Variants in DMBT1 observed in about 807,000 individuals in gnomAD.
The protein encoded by DMBT1 is deleted in malignant brain tumors 1, also known as scavenger receptor cysteine-rich domain-containing protein DMBT1.
A neutral mutation model predicts 252.9 loss-of-function variants in DMBT1; 198 were observed. That is an observed-to-expected ratio of 0.78 (90% CI 0.70 to 0.88). The LOEUF is 0.88. Ranked by LOEUF, DMBT1 falls within the 40% of genes least tolerant of loss-of-function variation. The pLI, the probability that DMBT1 is intolerant of heterozygous loss-of-function variation, is 0.00. For synonymous variants in DMBT1, 990 were observed against 942.7 expected (o/e 1.05, Z -0.92); for missense variants, 2,432 against 2,404.7 (o/e 1.01, Z -0.24).
chr10:122,620,250 CA>C lies in DMBT1; in HGVS notation c.5246-2del. 6.2e-7 allele frequency: 1 copy of C among 1,613,914 alleles called. No individual in the cohort carries two copies. Among genetic ancestry groups the C allele is most frequent in the Non-Finnish European group, 8.5e-7 (1 of 1,179,850 alleles). ...TGTCCTTTCTCTTTGTTGCAATTTA[CA>C]GATACTTGGCTGACCACCAACTTAC... is the stretch of plus-strand genomic sequence containing the variant. On this transcript the variant is annotated splice_acceptor_variant, in intron 42 of 55. Coordinates refer to ENST00000338354, the MANE Select transcript of DMBT1 (RefSeq NM_001377530.1). LOFTEE classifies it high-confidence loss of function.
intron 46 of DMBT1, among the ~76,000 whole-genome samples, chr10:122,627,721 A>G (rs2098128280): frequency 6.6e-6 from 1 of 152,216 alleles, no homozygotes. Context: ...GTGTAGAAAT[A>G]GAAAGGGAGG....
chr10:122,569,191 G>A (rs564956599), intron 2 of DMBT1, among the ~76,000 whole-genome samples: 11 of 152,224 alleles, frequency 7.2e-5, no homozygotes, highest in Admixed American at 1.3e-4. Flanking sequence ...GTTTTGATGA[G>A]CAGCATCACG....
chr10:122,643,604 G>A lies in DMBT1; in HGVS notation c.*206G>A. ...CCCGTTGCAGGGTGAGGTCAAGAGA[G>A]TTCTGACCTGGATGGCCCATAGACC... On this transcript the variant is annotated 3_prime_UTR_variant, in exon 56 of 56. Coordinates refer to ENST00000338354, the MANE Select transcript of DMBT1 (RefSeq NM_001377530.1). 1 of 681,802 alleles carries A rather than the reference G, an allele frequency of 1.5e-6. No homozygotes were observed. The highest frequency in any genetic ancestry group is 2.4e-6 in the Non-Finnish European group (1 of 415,872). The allele number at this position is 681,802 out of a possible 1,614,324, so 42.2% of individuals were successfully genotyped here. A position where few individuals can be genotyped will look rare whatever the true frequency, so the allele number is the denominator to read the frequency against.
intron 42 of DMBT1, among the ~76,000 whole-genome samples, chr10:122,619,766 C>T (rs1036252016): frequency 7.9e-5 from 12 of 152,334 alleles, no homozygotes; most frequent in South Asian, 2.1e-4. Flanking sequence ...CTGATACCTC[C>T]GTCCCTCACT....
chr10:122,617,202 T>C, intron 39 of DMBT1, 26 bp from the exon 40 acceptor site: 1 of 1,607,272 alleles, frequency 6.2e-7, no homozygotes, highest in Non-Finnish European at 8.5e-7. Flanking sequence ...TCTAATTCTG[T>C]CTTTTTTCTT....
chr10:122,592,173 G>C (rs1375377076), intron 19 of DMBT1, 99 bp from the exon 20 acceptor site: 4 of 1,517,336 alleles, frequency 2.6e-6, no homozygotes, highest in African/African-American at 1.4e-5. Flanking sequence ...TGCTTGTCCA[G>C]GCGACCTTGG....
intron 44 of DMBT1, 133 bp from the exon 45 acceptor site, chr10:122,625,144 C>A: frequency 1.2e-6 from 1 of 824,376 alleles, no homozygotes; most frequent in Admixed American, 2.0e-5. Flanking sequence ...AGGTTTATAT[C>A]TACTATTCCA....
At position 122,598,967 on chromosome 10, in the gene DMBT1, G is replaced by A. The variant is rs2277243; in HGVS notation, c.3150G>A (p.Gln1050=). Residue 1050 remains glutamine, a synonymous_variant, in exon 26 of 56, where the codon CAG becomes CAA. Transcript: ENST00000338354. ...CCCCAGGAAATGCCCGGTTTGGTCA[G>A]GGCTCAGGACCCATTGTCCTGGATG... The part of the protein sequence containing the change: ...MSAPGNARFG[Q]GSGPIVLDDV... 6.5e-3 allele frequency: 10,551 copies of A among 1,613,776 alleles called. 441 individuals are homozygous for A. The East Asian group carries it at 0.12, about 18-fold the overall frequency.
In DMBT1 at chr10:122,570,878, T is replaced by G. The variant is rs754154923; in HGVS notation, c.140-12T>G. The G allele has an allele frequency of 1.9e-6, 3 of 1,612,834 alleles. No individual in the cohort carries two copies. The highest frequency in any genetic ancestry group is 2.5e-6 in the Non-Finnish European group (3 of 1,178,990). On this transcript the variant is annotated splice_polypyrimidine_tract_variant and intron_variant, in intron 3 of 55. Coordinates refer to ENST00000338354, the MANE Select transcript of DMBT1 (RefSeq NM_001377530.1). ...CTACCATCAATGAGCTCTTCCTTTC[T>G]CCACCCTGCAGGTTCTCCATTTCCC...
In DMBT1 at chr10:122,598,880, C is replaced by T. The variant is rs374651645; in HGVS notation, c.3063C>T (p.Ser1021=). The T allele has an allele frequency of 3.1e-6, 5 of 1,613,876 alleles. No homozygotes were observed. Among genetic ancestry groups the T allele is most frequent in the Non-Finnish European group, 3.4e-6 (4 of 1,179,794 alleles). ...CCTGGGGCACCGTGTGCGATGACAG[C>T]TGGGACACCAATGATGCCAATGTCG... ...QGSWGTVCDD[S]WDTNDANVVC... Residue 1021 remains serine (S), a synonymous_variant, in exon 26 of 56, where the codon AGC becomes AGT. Transcript: ENST00000338354.
At chr10:122,627,445 C>T (rs2098126516) in intron 46 of DMBT1, among the ~76,000 whole-genome samples, 1 of 151,904 alleles carries the variant, frequency 6.6e-6, no homozygotes, top group Non-Finnish European at 1.5e-5. Flanking sequence ...TTTTTCATGA[C>T]CTTAAAATTA....
At chr10:122,633,684 C>T (rs2098185627) in intron 52 of DMBT1, among the ~76,000 whole-genome samples, 1 of 152,130 alleles carries the variant, frequency 6.6e-6, no homozygotes, top group Non-Finnish European at 1.5e-5. Context: ...TACCTGCTTT[C>T]CTCACCTCAC....
At chr10:122,624,494 A>G (rs2098100477) in intron 44 of DMBT1, among the ~76,000 whole-genome samples, 1 of 152,214 alleles carries the variant, frequency 6.6e-6, no homozygotes, top group Non-Finnish European at 1.5e-5. Context: ...CTCTTCCTTT[A>G]GGAGATACAG....
chr10:122,632,059 C>G (rs2098169559), intron 50 of DMBT1, among the ~76,000 whole-genome samples, 184 bp downstream of exon 50: 1 of 152,078 alleles, frequency 6.6e-6, no homozygotes, highest in African/African-American at 2.4e-5. Flanking sequence ...GCTTCAGTGG[C>G]CTGACCCACC....
chr10:122,635,124 A>G (rs2098215960), intron 52 of DMBT1, among the ~76,000 whole-genome samples: 1 of 152,236 alleles, frequency 6.6e-6, no homozygotes, highest in Non-Finnish European at 1.5e-5. Flanking sequence ...CTTGATAGCA[A>G]TGACCATCAC....
In DMBT1 at chr10:122,588,963, C is replaced by T. The variant is rs200439469; in HGVS notation, c.1803C>T (p.Ala601=). 4,146 of 1,588,074 alleles carry T rather than the reference C, an allele frequency of 2.6e-3. 483 individuals carry two copies. The highest frequency in any genetic ancestry group is 2.7e-3 in the Non-Finnish European group (3,167 of 1,165,736). The change falls in exon 17 of 56, where the codon GCC becomes GCT. Residue 601 remains alanine, a synonymous_variant. Transcript: ENST00000338354. ...CTATAGGACCTGAATCCAGTTTGGC[C>T]CTGAGGCTGGTGAATGGAGGTGACA... ...VICSGPESSL[A]LRLVNGGDRC...
chr10:122,562,143 T>C (rs936959601), intron 1 of DMBT1, among the ~76,000 whole-genome samples: 2 of 152,022 alleles, frequency 1.3e-5, no homozygotes, highest in African/African-American at 4.8e-5. Flanking sequence ...CCCTTTTTCT[T>C]TCTCTCCCTC....
chr10:122,622,685 C>T (rs557797132), intron 44 of DMBT1, among the ~76,000 whole-genome samples: 15 of 152,156 alleles, frequency 9.9e-5, no homozygotes, highest in Non-Finnish European at 1.8e-4. Flanking sequence ...TCTTCCAAAC[C>T]ATCTCTATTA....
chr10:122,600,676 G>A (rs900243547), intron 27 of DMBT1, among the ~76,000 whole-genome samples: 1 of 152,192 alleles, frequency 6.6e-6, no homozygotes, highest in African/African-American at 2.4e-5. Context: ...CAGTGTCCGA[G>A]CCTCAGCAAT....
Sources: gnomAD v4.1 joint callset for allele counts (sites outside exome capture counted in the v4.1 genomes callset) on GRCh38, gnomAD v4.1.1 for gene constraint, MANE v1.5 for transcripts, NCBI Gene and HGNC (gene_info 2026-07-23, HGNC 2026-07-21) for gene names.